ZNF804B: variants seen among roughly 807,000 people sequenced by gnomAD.
ZNF804B encodes the protein zinc finger protein 804B, also known as zinc finger 804B.
ZNF804B carries 80 observed loss-of-function variants against 101.4 expected under a neutral mutation model. The observed-to-expected ratio is 0.79, with a 90% CI of 0.66 to 0.95. ZNF804B has a LOEUF of 0.95. Among genes scored for constraint, ZNF804B ranks in the 40% least tolerant of loss-of-function variants. The pLI, the probability that ZNF804B is intolerant of heterozygous loss-of-function variation, is 0.00. For missense variants in ZNF804B, 1,673 were observed against 1,561.9 expected (o/e 1.07, Z -1.20); for synonymous variants, 622 against 558.8 (o/e 1.11, Z -1.59).
In ZNF804B at chr7:89,045,529, G is replaced by A. The variant is rs557505174; in HGVS notation, c.109-172626G>A. ...GGGGACCATGTCCTGCAAAGCCACA[G>A]GGGTGGAGCTTCTCAAGGTGGTGGG... On this transcript the variant is annotated intron_variant, in intron 1 of 3. Transcript: ENST00000333190. 8.8e-4 allele frequency among the ~76,000 whole-genome samples: 134 copies of A among 152,328 alleles called. 2 individuals are homozygous for A. Among genetic ancestry groups the A allele is most frequent in the East Asian group, 3.9e-4 (2 of 5,168 alleles).
At chr7:89,112,236 C>T (rs1583993195) in intron 1 of ZNF804B, among the ~76,000 whole-genome samples, 2 of 151,846 alleles carry the variant, frequency 1.3e-5, no homozygotes, top group East Asian at 3.9e-4. Context: ...TCTTATAAAA[C>T]TTTAATAGTC....
intron 1 of ZNF804B, among the ~76,000 whole-genome samples, chr7:89,196,891 A>G (rs1788561963): frequency 6.6e-6 from 1 of 152,136 alleles, no homozygotes; most frequent in African/African-American, 2.4e-5. Context: ...TGATCATTAT[A>G]AAAATGCAGA....
chr7:89,298,865 G>A (rs73401147), intron 2 of ZNF804B, among the ~76,000 whole-genome samples: 1,960 of 151,864 alleles, frequency 0.013, 34 homozygotes, highest in African/African-American at 0.044. Flanking sequence ...AGCTATGTGT[G>A]AAAGTTGCCA....
At chr7:89,135,537 TCA>T (rs1165695747) in intron 1 of ZNF804B, among the ~76,000 whole-genome samples, 2 of 152,080 alleles carry the variant, frequency 1.3e-5, no homozygotes, top group Non-Finnish European at 2.9e-5. Context: ...CTATTTCCTA[TCA>T]CTTTACAAAG....
Position 89,286,228 on chromosome 7 carries a change from A to C in ZNF804B, c.250-41116A>C, listed in dbSNP as rs550592985. ...TTAGGACTTTATCATTAGGACTTTAAGGCTCATTACACACAATCCTCTATG... is the reference window on the plus strand; with the variant it reads ...TTAGGACTTTATCATTAGGACTTTACGGCTCATTACACACAATCCTCTATG... On this transcript the variant is annotated intron_variant, in intron 2 of 3. Coordinates refer to ENST00000333190, the MANE Select transcript of ZNF804B (RefSeq NM_181646.5). Among the ~76,000 whole-genome samples, 147 of 152,264 alleles carry C rather than the reference A, an allele frequency of 9.7e-4. 1 individual carries two copies. The highest frequency in any genetic ancestry group is 3.4e-3 in the African/African-American group (140 of 41,564).
chr7:88,845,097 A>G (rs1291538976), intron 1 of ZNF804B, among the ~76,000 whole-genome samples: 3 of 152,188 alleles, frequency 2.0e-5, no homozygotes, highest in African/African-American at 7.2e-5. Flanking sequence ...GGAGACATTG[A>G]TGCTTTAATA....
intron 1 of ZNF804B, among the ~76,000 whole-genome samples, chr7:89,112,744 G>C (rs965037249): frequency 3.3e-5 from 5 of 152,154 alleles, no homozygotes; most frequent in African/African-American, 1.2e-4. Flanking sequence ...AGGCTGCATA[G>C]TGCTTATTTT....
intron 1 of ZNF804B, among the ~76,000 whole-genome samples, chr7:89,196,053 T>C (rs115629679): frequency 1.1e-3 from 162 of 151,976 alleles, no homozygotes; most frequent in African/African-American, 3.6e-3. Flanking sequence ...GAAAAAACTA[T>C]CTTAGAATTC....
At chr7:89,205,137 C>T (rs1788696642) in intron 1 of ZNF804B, among the ~76,000 whole-genome samples, 2 of 152,124 alleles carry the variant, frequency 1.3e-5, no homozygotes, top group Non-Finnish European at 2.9e-5. Flanking sequence ...TATTCACTAT[C>T]ACGAGAACAG....
chr7:89,274,199 G>A (rs1789942145), intron 2 of ZNF804B, among the ~76,000 whole-genome samples: 1 of 138,710 alleles, frequency 7.2e-6, no homozygotes, highest in Non-Finnish European at 1.5e-5. Context: ...TAGGGTACAT[G>A]TGCACATTGT....
At chr7:89,070,365 T>C (rs1055105815) in intron 1 of ZNF804B, among the ~76,000 whole-genome samples, 1 of 152,028 alleles carries the variant, frequency 6.6e-6, no homozygotes, top group Admixed American at 6.6e-5. Flanking sequence ...TGAGCTGGGG[T>C]GTGACACGGG....
At chr7:88,820,429 G>A (rs1038333600) in intron 1 of ZNF804B, among the ~76,000 whole-genome samples, 4 of 152,104 alleles carry the variant, frequency 2.6e-5, no homozygotes, top group Non-Finnish European at 5.9e-5. Context: ...GGCAGCAGGA[G>A]AGGCAATTGC....
intron 1 of ZNF804B, among the ~76,000 whole-genome samples, chr7:89,035,496 G>A (rs2040526): frequency 0.3 from 44,830 of 151,586 alleles, 6,937 homozygotes; most frequent in East Asian, 0.52. Context: ...GTGTGTGTAT[G>A]TTTCACACAT....
At chr7:89,326,106 A>G (rs1044783147) in intron 2 of ZNF804B, among the ~76,000 whole-genome samples, 4 of 152,008 alleles carry the variant, frequency 2.6e-5, no homozygotes, top group African/African-American at 9.7e-5. Flanking sequence ...CTGATAACAT[A>G]TAGAGCATAA....
At chr7:88,851,525 C>T (rs1791450015) in intron 1 of ZNF804B, among the ~76,000 whole-genome samples, 1 of 151,908 alleles carries the variant, frequency 6.6e-6, no homozygotes, top group Non-Finnish European at 1.5e-5. Flanking sequence ...TCTTCACCTA[C>T]CAAAAATACC....
intron 1 of ZNF804B, among the ~76,000 whole-genome samples, chr7:89,111,304 T>A (rs1790212396): frequency 6.6e-6 from 1 of 152,218 alleles, no homozygotes; most frequent in South Asian, 2.1e-4. Context: ...TAAGAAACTG[T>A]CAAACTGTCT....
intron 1 of ZNF804B, among the ~76,000 whole-genome samples, chr7:88,798,793 T>C (rs1433521979): frequency 6.6e-6 from 1 of 152,104 alleles, no homozygotes; most frequent in Admixed American, 6.6e-5. Flanking sequence ...CAATGGACAT[T>C]CAGCTTTAAG....
At chr7:89,057,685 G>A (rs552932104) in intron 1 of ZNF804B, among the ~76,000 whole-genome samples, 1 of 152,068 alleles carries the variant, frequency 6.6e-6, no homozygotes, top group Non-Finnish European at 1.5e-5. Context: ...GCAGAAAGGA[G>A]CCCAGTGGCA....
chr7:88,858,137 T>G (rs1791598709), intron 1 of ZNF804B, among the ~76,000 whole-genome samples: 2 of 152,250 alleles, frequency 1.3e-5, no homozygotes, highest in South Asian at 4.1e-4. Context: ...TTTCTTTACC[T>G]ATAATTATCT....
Sources: allele counts gnomAD v4.1 joint callset (sites outside exome capture counted in the v4.1 genomes callset), GRCh38; gene constraint gnomAD v4.1.1; transcripts MANE v1.5; gene names NCBI Gene and HGNC (gene_info 2026-07-23, HGNC 2026-07-21).